NPAS3: variants seen among roughly 807,000 people sequenced by gnomAD.
NPAS3 encodes neuronal PAS domain protein 3, also known as neuronal PAS domain-containing protein 3.
A neutral mutation model predicts 73.1 loss-of-function variants in NPAS3; 14 were observed. The observed-to-expected ratio is 0.19, with a 90% CI of 0.13 to 0.30. The LOEUF is 0.30. NPAS3 is among the 10% of genes least tolerant of loss of function. The pLI is 1.00. For synonymous variants in NPAS3, 620 were observed against 541.5 expected, an observed-to-expected ratio of 1.14 and a Z score of -2.01; for missense variants, 1,096 against 1,250.0, an observed-to-expected ratio of 0.88 and a Z score of 1.86.
intron 4 of NPAS3, among the ~76,000 whole-genome samples, chr14:33,402,740 C>T (rs2047498663): frequency 6.6e-6 from 1 of 152,168 alleles, no homozygotes; most frequent in Non-Finnish European, 1.5e-5. Flanking sequence ...TATGCTTTCC[C>T]TCAATGGGAA....
chr14:33,619,472 C>T (rs1038418978), intron 5 of NPAS3, among the ~76,000 whole-genome samples: 1 of 151,764 alleles, frequency 6.6e-6, no homozygotes, highest in Non-Finnish European at 1.5e-5. Context: ...CAAAGGGTAC[C>T]TTGATTAGAT....
intron 2 of NPAS3, among the ~76,000 whole-genome samples, chr14:33,186,565 G>T (rs2045980914): frequency 1.3e-5 from 2 of 152,120 alleles, no homozygotes; most frequent in South Asian, 4.1e-4. Context: ...AGTTCTGCCA[G>T]TTTCAATCTG....
intron 3 of NPAS3, among the ~76,000 whole-genome samples, chr14:33,334,995 T>G (rs1454941384): frequency 6.6e-6 from 1 of 151,806 alleles, no homozygotes; most frequent in Admixed American, 6.6e-5. Context: ...TGAATGCCAT[T>G]ATTTTGTTTC....
At chr14:33,221,364 C>T (rs1012479879) in intron 3 of NPAS3, among the ~76,000 whole-genome samples, 8 of 152,122 alleles carry the variant, frequency 5.3e-5, no homozygotes, top group Non-Finnish European at 7.4e-5. Context: ...AGAAACATGG[C>T]CAATTTCACA....
chr14:33,290,129 T>C (rs1008497295), intron 3 of NPAS3, among the ~76,000 whole-genome samples: 1 of 152,216 alleles, frequency 6.6e-6, no homozygotes, highest in African/African-American at 2.4e-5. Flanking sequence ...TAAATATATC[T>C]ATCACAGCTT....
intron 2 of NPAS3, among the ~76,000 whole-genome samples, chr14:33,204,633 C>T (rs1474436171): frequency 6.6e-6 from 1 of 151,998 alleles, no homozygotes; most frequent in Non-Finnish European, 1.5e-5. Context: ...AATCACATTC[C>T]ATCCCCAACC....
At chr14:33,162,584 T>C (rs1376442450) in intron 2 of NPAS3, among the ~76,000 whole-genome samples, 2 of 152,206 alleles carry the variant, frequency 1.3e-5, no homozygotes, top group Non-Finnish European at 2.9e-5. Context: ...ATTCTTCTCA[T>C]GTTTGTGACT....
intron 2 of NPAS3, among the ~76,000 whole-genome samples, chr14:33,126,499 G>A (rs1791293707): frequency 6.6e-6 from 1 of 152,104 alleles, no homozygotes; most frequent in Non-Finnish European, 1.5e-5. Context: ...CTGGGGATGG[G>A]AGATTGTGGA....
chr14:33,255,478 C>T (rs2048744531), intron 3 of NPAS3, among the ~76,000 whole-genome samples: 1 of 152,032 alleles, frequency 6.6e-6, no homozygotes, highest in Non-Finnish European at 1.5e-5. Flanking sequence ...ATTTATAAAT[C>T]CTGGACTATT....
intron 3 of NPAS3, among the ~76,000 whole-genome samples, chr14:33,286,935 T>C (rs2140091461): frequency 6.6e-6 from 1 of 152,266 alleles, no homozygotes; most frequent in Admixed American, 6.5e-5. Context: ...AAGTGGGAGT[T>C]GGGCTACTTC....
chr14:33,367,627 A>G (rs2140420263), intron 4 of NPAS3, among the ~76,000 whole-genome samples: 1 of 151,134 alleles, frequency 6.6e-6, no homozygotes, highest in African/African-American at 2.4e-5. Context: ...TTTTTGGAAG[A>G]GCAAAGTTTT....
intron 9 of NPAS3, among the ~76,000 whole-genome samples, chr14:33,786,547 A>G (rs1252682752): frequency 2.0e-5 from 3 of 152,210 alleles, no homozygotes; most frequent in East Asian, 3.8e-4. Context: ...TCAGTACTTG[A>G]TAACACTTAA....
At chr14:33,263,512 G>A (rs1264155656) in intron 3 of NPAS3, among the ~76,000 whole-genome samples, 2 of 152,140 alleles carry the variant, frequency 1.3e-5, no homozygotes, top group African/African-American at 2.4e-5. Flanking sequence ...ACGCTGTTTT[G>A]GTTACTGTAG....
At chr14:33,603,595 A>T (rs1467962170) in intron 5 of NPAS3, among the ~76,000 whole-genome samples, 1 of 152,194 alleles carries the variant, frequency 6.6e-6, no homozygotes, top group African/African-American at 2.4e-5. Flanking sequence ...GACACCTTAG[A>T]TGCAGAACAA....
intron 5 of NPAS3, among the ~76,000 whole-genome samples, chr14:33,610,810 C>G (rs1319546145): frequency 1.3e-5 from 2 of 152,144 alleles, no homozygotes; most frequent in South Asian, 2.1e-4. Flanking sequence ...CATAAATTAG[C>G]AAGGAGCTAG....
In NPAS3 at chr14:33,175,827, A is replaced by G. The variant is rs576693135; in HGVS notation, c.141-39355A>G. 2.7e-3 allele frequency among the ~76,000 whole-genome samples: 48 copies of G among 17,704 alleles called. No individual in the cohort carries two copies. In the South Asian group the frequency reaches 0.038, roughly 14 times the overall value. 11.6% of individuals were successfully genotyped at this position (17,704 alleles called of 152,430 possible). ...AGTATCCTAGTATTTGTAAAACGTT[A>G]TCATTTTTTTATCTACTCAGTCTCC... On this transcript the variant is annotated intron_variant, in intron 2 of 11. Coordinates refer to ENST00000356141, the Ensembl canonical transcript of NPAS3.
chr14:33,012,985 G>T (rs1196914590), intron 1 of NPAS3, among the ~76,000 whole-genome samples: 2 of 152,176 alleles, frequency 1.3e-5, no homozygotes, highest in African/African-American at 2.4e-5. Context: ...GAAAGCAGTG[G>T]GAATAGATGG....
At chr14:33,769,223 GA>G (rs201664281) in intron 7 of NPAS3, among the ~76,000 whole-genome samples, 3 of 151,106 alleles carry the variant, frequency 2.0e-5, no homozygotes, top group Non-Finnish European at 1.5e-5. Flanking sequence ...CCTCCAGGAA[GA>G]AAAAAAAATA....
intron 4 of NPAS3, among the ~76,000 whole-genome samples, chr14:33,540,554 C>A (rs530098677): frequency 1.3e-5 from 2 of 152,144 alleles, no homozygotes; most frequent in African/African-American, 4.8e-5. Context: ...CTGGCTACAA[C>A]AAGACATACT....
Sources: gnomAD v4.1 joint callset for allele counts (sites outside exome capture counted in the v4.1 genomes callset) on GRCh38, gnomAD v4.1.1 for gene constraint, MANE v1.5 for transcripts, NCBI Gene and HGNC (gene_info 2026-07-23, HGNC 2026-07-21) for gene names.